The following TECRL variants were observed in gnomAD, a reference collection of about 807,000 sequenced individuals.
TECRL encodes trans-2,3-enoyl-CoA reductase-like.
Under a neutral mutation model 52.8 loss-of-function variants are expected in TECRL, and 63 were observed. That is an observed-to-expected ratio of 1.19 (90% CI 0.97 to 1.47). The LOEUF (loss-of-function observed/expected upper bound fraction) is 1.47. Among genes scored for constraint, TECRL ranks in the 40% most tolerant of loss-of-function variants. The pLI, the probability that TECRL is intolerant of heterozygous loss-of-function variation, is 0.00. For missense variants in TECRL, 482 were observed against 429.6 expected, an observed-to-expected ratio of 1.12 and a Z score of -1.08; for synonymous variants, 164 against 141.9, an observed-to-expected ratio of 1.16 and a Z score of -1.10.
At chr4:64,367,065 T>C in intron 2 of TECRL, among the ~76,000 whole-genome samples, 1 of 152,032 alleles carries the variant, frequency 6.6e-6, no homozygotes, top group Non-Finnish European at 1.5e-5. Context: ...TAAAAAAGAA[T>C]AAAATTATGT....
intron 2 of TECRL, among the ~76,000 whole-genome samples, chr4:64,343,091 A>G (rs540050062): frequency 6.6e-6 from 1 of 152,120 alleles, no homozygotes; most frequent in South Asian, 2.1e-4. Flanking sequence ...TCTTTAAAAA[A>G]GGGGGAATAA....
chr4:64,356,675 A>T (rs1281254984), intron 2 of TECRL, among the ~76,000 whole-genome samples: 1 of 152,160 alleles, frequency 6.6e-6, no homozygotes, highest in Non-Finnish European at 1.5e-5. Context: ...TCTTGCTGAG[A>T]TAGTGAAAAT....
intron 6 of TECRL, 65 bp downstream of exon 6, chr4:64,309,761 T>G: frequency 9.6e-7 from 1 of 1,043,754 alleles, no homozygotes; most frequent in African/African-American, 1.6e-5. Flanking sequence ...AATGATTAAA[T>G]ATTTTGCAAA....
intron 2 of TECRL, among the ~76,000 whole-genome samples, chr4:64,371,500 C>T (rs539460576): frequency 9.9e-5 from 15 of 151,434 alleles, no homozygotes; most frequent in Non-Finnish European, 1.5e-4. Flanking sequence ...TCCTGGCTTA[C>T]AATAATTCGT....
chr4:64,334,092 AAT>A (rs1718871521), intron 2 of TECRL, among the ~76,000 whole-genome samples: 1 of 150,642 alleles, frequency 6.6e-6, no homozygotes, highest in Non-Finnish European at 1.5e-5. Flanking sequence ...TGTCACTTTG[AAT>A]ATGTTATTTT....
At chr4:64,383,792 T>C (rs950493770) in intron 1 of TECRL, among the ~76,000 whole-genome samples, 17 of 152,124 alleles carry the variant, frequency 1.1e-4, no homozygotes, top group African/African-American at 3.9e-4. Flanking sequence ...TGTCATGATT[T>C]CTCATTTTAT....
Position 64,321,845 on chromosome 4 carries a change from G to T in TECRL, c.435+844C>A, listed in dbSNP as rs545062363. ...AAGGAAGTTTACTTTTTCATGGTCAGTTGCCAAAAGTTTGTTTCTCTGCCT... is the reference window on the plus strand; with the variant it reads ...AAGGAAGTTTACTTTTTCATGGTCATTTGCCAAAAGTTTGTTTCTCTGCCT... On this transcript the variant is annotated intron_variant, in intron 4 of 11. Transcript: ENST00000381210. Among the ~76,000 whole-genome samples, 21 of 152,254 alleles carry T rather than the reference G, an allele frequency of 1.4e-4. No homozygotes were observed. In the East Asian group the frequency reaches 3.9e-3, roughly 28 times the overall value.
At chr4:64,284,954 T>C (rs1161524612) in intron 9 of TECRL, among the ~76,000 whole-genome samples, 1 of 152,028 alleles carries the variant, frequency 6.6e-6, no homozygotes, top group Non-Finnish European at 1.5e-5. Flanking sequence ...CACATGATAA[T>C]GATTTCAGTG....
chr4:64,284,811 C>A (rs945122089), intron 9 of TECRL, among the ~76,000 whole-genome samples: 1 of 152,070 alleles, frequency 6.6e-6, no homozygotes, highest in Non-Finnish European at 1.5e-5. Context: ...AGTTAAGAGA[C>A]TTGAGACAGC....
In TECRL at chr4:64,314,779, G is replaced by T; in HGVS notation, c.436-16C>A. On this transcript the variant is annotated splice_polypyrimidine_tract_variant and intron_variant, in intron 4 of 11. Coordinates refer to ENST00000381210, the MANE Select transcript of TECRL (RefSeq NM_001010874.5). ...CCAAAAACACCTGAAAATAAAACAT[G>T]ATTTAGATTAAACGATAAAAATAGA... 6.6e-7 allele frequency: 1 copy of T among 1,523,508 alleles called. No individual in the cohort carries two copies. Among genetic ancestry groups the T allele is most frequent in the Non-Finnish European group, 9.1e-7 (1 of 1,097,656 alleles). The allele number at this position is 1,523,508 out of a possible 1,614,324, so 94.4% of individuals were successfully genotyped here.
intron 3 of TECRL, among the ~76,000 whole-genome samples, chr4:64,324,003 G>A (rs552882743): frequency 6.6e-6 from 1 of 152,230 alleles, no homozygotes; most frequent in African/African-American, 2.4e-5. Context: ...GGCTTCATGA[G>A]ATTGTTTGTG....
intron 5 of TECRL, 102 bp from the exon 6 acceptor site, chr4:64,310,033 T>C: frequency 1.6e-6 from 1 of 608,356 alleles, no homozygotes; most frequent in African/African-American, 1.9e-5. Context: ...TGCTAGCTAT[T>C]GGGAAACATT....
chr4:64,383,268 T>G (rs143058151), intron 1 of TECRL, among the ~76,000 whole-genome samples: 318 of 152,282 alleles, frequency 2.1e-3, no homozygotes, highest in African/African-American at 7.1e-3. Context: ...GTTGGATATA[T>G]TTGGGCATCT....
At position 64,396,321 on chromosome 4, in the gene TECRL, T is replaced by A. The variant is rs187442913; in HGVS notation, c.234+12797A>T. On this transcript the variant is annotated intron_variant, in intron 1 of 11. Coordinates refer to ENST00000381210, the MANE Select transcript of TECRL (RefSeq NM_001010874.5). The stretch of plus-strand genomic sequence containing the variant: ...AAGTATTCCCTTTTCTCTAGAACCT[T>A]GCCAGCATTTGCTAATTTTTGACTT... Among the ~76,000 whole-genome samples, 6 of 152,296 alleles carry A rather than the reference T, an allele frequency of 3.9e-5. No individual in the cohort carries two copies. The East Asian group carries it at 1.2e-3, about 29-fold the overall frequency.
chr4:64,359,706 C>G (rs948320346), intron 2 of TECRL, among the ~76,000 whole-genome samples: 8 of 152,008 alleles, frequency 5.3e-5, no homozygotes, highest in African/African-American at 7.2e-5. Context: ...TTACATGAAC[C>G]TTGACTGGCA....
At chr4:64,314,623 G>A (rs1380482989) in intron 5 of TECRL, 25 bp downstream of exon 5, 2 of 1,129,536 alleles carry the variant, frequency 1.8e-6, no homozygotes, top group East Asian at 2.3e-5. Flanking sequence ...GTGTGTGTGT[G>A]TGTGTGTGTG....
chr4:64,288,372 A>G (rs1162084612), intron 9 of TECRL, among the ~76,000 whole-genome samples: 3 of 152,104 alleles, frequency 2.0e-5, no homozygotes, highest in Non-Finnish European at 4.4e-5. Context: ...CCTCTTAACA[A>G]CTACAGGAGA....
Position 64,375,231 on chromosome 4 carries a change from G to A in TECRL, c.235-8C>T. On this transcript the variant is annotated splice_region_variant and splice_polypyrimidine_tract_variant and intron_variant, in intron 1 of 11. Transcript: ENST00000381210. ...AGTAGATGATTGTGTCACCTGAAAAGGAAAAGAAAATAGAGTTATTTTTAA... is the reference window on the plus strand; with the variant it reads ...AGTAGATGATTGTGTCACCTGAAAAAGAAAAGAAAATAGAGTTATTTTTAA... 1.5e-6 allele frequency: 2 copies of A among 1,368,414 alleles called. No individual in the cohort carries two copies. The highest frequency in any genetic ancestry group is 3.4e-5 in the South Asian group (2 of 58,576). The allele number at this position is 1,368,414 out of a possible 1,614,324, so 84.8% of individuals were successfully genotyped here. A position where few individuals can be genotyped will look rare whatever the true frequency, so the allele number is the denominator to read the frequency against.
chr4:64,295,195 C>G (rs188517783), intron 8 of TECRL, among the ~76,000 whole-genome samples: 4 of 151,416 alleles, frequency 2.6e-5, no homozygotes, highest in Non-Finnish European at 5.9e-5. Flanking sequence ...AATACATGTA[C>G]TAACCAATAT....
Sources: gnomAD v4.1 joint callset for allele counts (sites outside exome capture counted in the v4.1 genomes callset) on GRCh38, gnomAD v4.1.1 for gene constraint, MANE v1.5 for transcripts, NCBI Gene and HGNC (gene_info 2026-07-23, HGNC 2026-07-21) for gene names.